Variants in ZNF681 observed in about 807,000 individuals in gnomAD.
ZNF681 encodes hypothetical protein FLJ31526.
In ZNF681, 37 loss-of-function variants were observed where a neutral mutation model predicts 56.0. That is an observed-to-expected ratio of 0.66 (90% confidence interval 0.51 to 0.87). The LOEUF (loss-of-function observed/expected upper bound fraction) is 0.87, where lower values mean the gene tolerates loss of function less well. ZNF681 is among the 40% of genes least tolerant of loss of function. The pLI is 0.00. For missense variants in ZNF681, 741 were observed against 744.9 expected (o/e 0.99, Z 0.06); for synonymous variants, 225 against 248.6 (o/e 0.91, Z 0.89).
At chr19:23,755,785 A>G (rs540228285) in intron 1 of ZNF681, among the ~76,000 whole-genome samples, 4 of 152,344 alleles carry the variant, frequency 2.6e-5, no homozygotes, top group South Asian at 2.1e-4. Context: ...CATTAGATCT[A>G]TAACACCAGA....
At chr19:23,754,041 G>T (rs1032084983) in intron 3 of ZNF681, among the ~76,000 whole-genome samples, 6 of 151,086 alleles carry the variant, frequency 4.0e-5, no homozygotes, top group African/African-American at 1.5e-4. Flanking sequence ...AAAGCTGAAC[G>T]ACATCATACT....
Position 23,743,804 on chromosome 19 carries a change from T to C in ZNF681, c.1746A>G (p.Arg582=). Residue 582 remains arginine, a synonymous_variant, in exon 4 of 4, where the codon AGA becomes AGG. Coordinates refer to ENST00000402377, the MANE Select transcript of ZNF681 (RefSeq NM_138286.3). ...GGTAGGGTTTCTCTCCAGTATGAAT[T>C]CTCTTATGTCTAGTAAGGTGTGAGG... ...NQSSHLTRHK[R]IHTGEKPYQC... 1 of 1,613,218 alleles carries C rather than the reference T, an allele frequency of 6.2e-7. No individual in the cohort carries two copies. The highest frequency in any genetic ancestry group is 8.5e-7 in the Non-Finnish European group (1 of 1,179,710).
In ZNF681 at chr19:23,739,745, T is replaced by C. The variant is rs1489523411; in HGVS notation, c.*3867A>G. 6.6e-6 allele frequency: 1 copy of C among 152,122 alleles called. No individual in the cohort carries two copies. The highest frequency in any genetic ancestry group is 2.4e-5 in the African/African-American group (1 of 41,418). 9.4% of individuals were successfully genotyped at this position (152,122 alleles called of 1,614,324 possible). ...AAAAGCTGCCATGATCTTCGAATGT[T>C]TTCCAGAGAATATGACCAAGAAGTT... On this transcript the variant is annotated 3_prime_UTR_variant, in exon 4 of 4. Coordinates refer to ENST00000402377, the MANE Select transcript of ZNF681 (RefSeq NM_138286.3).
At position 23,745,273 on chromosome 19, in the gene ZNF681, C is replaced by T. The variant is rs749093069; in HGVS notation, c.277G>A (p.Asp93Asn). Reference protein sequence around the residue: ...QDFSPEQNIKDSFQKVTPRRY... With the variant: ...QDFSPEQNIKNSFQKVTPRRY... ...CTTGGTGTCACTTTTTGGAAAGAAT[C>T]TTTTATGTTCTGCTCTGGTGAAAAG... The change falls in exon 4 of 4, where the codon GAT becomes AAT. Residue 93 changes from aspartate to asparagine, a missense_variant. Transcript: ENST00000402377. 2 of 1,598,640 alleles carry T rather than the reference C, an allele frequency of 1.3e-6. No homozygotes were observed. The highest frequency in any genetic ancestry group is 1.7e-6 in the Non-Finnish European group (2 of 1,175,498).
rs376684286 is a variant in ZNF681 at position 23,747,365 on chromosome 19, C to T, written c.227-2042G>A. 6.7e-4 allele frequency among the ~76,000 whole-genome samples: 102 copies of T among 152,044 alleles called. 1 individual carries two copies. The highest frequency in any genetic ancestry group is 2.2e-3 in the African/African-American group (90 of 41,478). ...TATAAAAATCCCCAAAGTGGCCGGG[C>T]GCGGTGGCTCAAGCCTGTAATCCCA... On this transcript the variant is annotated intron_variant, in intron 3 of 3. Transcript: ENST00000402377.
In ZNF681 at chr19:23,741,842, T is replaced by C. The variant is rs767293060; in HGVS notation, c.*1770A>G. 2.0e-5 allele frequency: 3 copies of C among 152,128 alleles called. No homozygotes were observed. The highest frequency in any genetic ancestry group is 4.8e-5 in the African/African-American group (2 of 41,432). 9.4% of individuals were successfully genotyped at this position (152,128 alleles called of 1,614,324 possible). On this transcript the variant is annotated 3_prime_UTR_variant, in exon 4 of 4. Coordinates refer to ENST00000402377, the MANE Select transcript of ZNF681 (RefSeq NM_138286.3). ...TACATATTATATACCTGTATCAAAA[T>C]ATGCCATATATGCCATATTTACACA... is the stretch of plus-strand genomic sequence containing the variant.
chr19:23,754,319 C>T (rs1273050833), intron 3 of ZNF681, among the ~76,000 whole-genome samples: 1 of 152,102 alleles, frequency 6.6e-6, no homozygotes, highest in Non-Finnish European at 1.5e-5. Flanking sequence ...AAGCAGAGTC[C>T]TGAGAGAACT....
intron 2 of ZNF681, 83 bp from the exon 3 acceptor site, chr19:23,755,001 AAATAG>A (rs2144853771): frequency 1.0e-6 from 1 of 972,600 alleles, no homozygotes; most frequent in Non-Finnish European, 1.5e-6. Flanking sequence ...AAAGAGGGTG[AAATAG>A]AATATTCTTG....
Position 23,744,321 on chromosome 19 carries a change from GT to G in ZNF681, c.1228del (p.Thr410LeufsTer145), listed in dbSNP as rs764339680. On this transcript the variant is annotated frameshift_variant, in exon 4 of 4. Coordinates refer to ENST00000402377, the MANE Select transcript of ZNF681 (RefSeq NM_138286.3). LOFTEE classifies it high-confidence loss of function. ...GKAFNKSSHL[T>X]RHKSIHTGEK... ...TCCAGTATGAATGCTCTTATGTCTA[GT>G]AAGGTGTGAGGACTTGTTAAAAGCT... The G allele has an allele frequency of 8.1e-6, 13 of 1,613,648 alleles. No homozygotes were observed. The highest frequency in any genetic ancestry group is 1.1e-5 in the Non-Finnish European group (13 of 1,179,908).
At chr19:23,755,759 T>A (rs7258292) in intron 1 of ZNF681, among the ~76,000 whole-genome samples, 1 of 152,018 alleles carries the variant, frequency 6.6e-6, no homozygotes, top group Non-Finnish European at 1.5e-5. Context: ...TCTCCAACCA[T>A]GAGAAAAGAA....
intron 3 of ZNF681, among the ~76,000 whole-genome samples, chr19:23,749,245 C>G (rs1188362015): frequency 6.6e-6 from 1 of 152,232 alleles, no homozygotes; most frequent in African/African-American, 2.4e-5. Context: ...ATGATGGCTA[C>G]TATATGATCC....
intron 3 of ZNF681, among the ~76,000 whole-genome samples, chr19:23,754,172 C>T (rs942100355): frequency 6.6e-6 from 1 of 152,034 alleles, no homozygotes; most frequent in Non-Finnish European, 1.5e-5. Flanking sequence ...AAGAACTTAA[C>T]AGAGTTTCTC....
At position 23,745,158 on chromosome 19, in the gene ZNF681, T is replaced by G. The variant is rs768556363; in HGVS notation, c.392A>C (p.Asn131Thr). Residue 131 changes from asparagine (N) to threonine (T), a missense_variant, in exon 4 of 4, where the codon AAC becomes ACC. Coordinates refer to ENST00000402377, the MANE Select transcript of ZNF681 (RefSeq NM_138286.3). ...GCTCTGGGTAGTTGGCAAACATTGG[T>G]TAAGTCCATTATAACCTCCTTTTTG... ...KVQKGGYNGL[N>T]QCLPTTQSKI... The G allele has an allele frequency of 9.9e-6, 16 of 1,612,858 alleles. No homozygotes were observed. Among genetic ancestry groups the G allele is most frequent in the Non-Finnish European group, 1.4e-5 (16 of 1,179,754 alleles).
intron 3 of ZNF681, among the ~76,000 whole-genome samples, chr19:23,749,740 C>T (rs562475402): frequency 6.6e-6 from 1 of 152,126 alleles, no homozygotes; most frequent in Non-Finnish European, 1.5e-5. Flanking sequence ...AAGCCACAAC[C>T]TGGAATGTAC....
In ZNF681 at chr19:23,742,661, C is replaced by T. The variant is rs546508011; in HGVS notation, c.*951G>A. 1 of 152,198 alleles carries T rather than the reference C, an allele frequency of 6.6e-6. No individual in the cohort carries two copies. The highest frequency in any genetic ancestry group is 1.5e-5 in the Non-Finnish European group (1 of 68,022). The allele number at this position is 152,198 out of a possible 1,614,324, so 9.4% of individuals were successfully genotyped here. A position where few individuals can be genotyped will look rare whatever the true frequency, so the allele number is the denominator to read the frequency against. On this transcript the variant is annotated 3_prime_UTR_variant, in exon 4 of 4. Transcript: ENST00000402377. The stretch of plus-strand genomic sequence containing the variant: ...CATCTTGCATCTTACATTTTAATGT[C>T]CTTAACTCTTTCACTAAAAAAGGTC...
In ZNF681 at chr19:23,743,485, A is replaced by G; in HGVS notation, c.*127T>C. The G allele has an allele frequency of 1.2e-6, 1 of 819,708 alleles. No individual in the cohort carries two copies. The highest frequency in any genetic ancestry group is 1.8e-6 in the Non-Finnish European group (1 of 565,504). 50.8% of individuals were successfully genotyped at this position (819,708 alleles called of 1,614,324 possible). A position where few individuals can be genotyped will look rare whatever the true frequency, so the allele number is the denominator to read the frequency against. ...TAGTACAAATGCTTTCCTGTGCAAT[A>G]AGGTGTGAGCATTGGTTAAAAGTTT... On this transcript the variant is annotated 3_prime_UTR_variant, in exon 4 of 4. Transcript: ENST00000402377.
Position 23,743,650 on chromosome 19 carries a change from A to G in ZNF681, c.1900T>C (p.Ser634Pro). ...NSDFENTSKFSKHKRNYAGEK... is the reference protein window; with the variant it reads ...NSDFENTSKFPKHKRNYAGEK... Reference sequence around the variant, plus strand: ...CCAGCATAATTTCTTTTATGTTTAGAAAACTTTGAAGTGTTTTCAAAATCA... The same window carrying G: ...CCAGCATAATTTCTTTTATGTTTAGGAAACTTTGAAGTGTTTTCAAAATCA... Residue 634 changes from serine (S) to proline (P), a missense_variant, in exon 4 of 4, where the codon TCT becomes CCT. Ser to Pro is a moderately conservative substitution (Grantham distance 74). Transcript: ENST00000402377. 2 of 1,535,528 alleles carry G rather than the reference A, an allele frequency of 1.3e-6. No homozygotes were observed. Among genetic ancestry groups the G allele is most frequent in the Non-Finnish European group, 1.7e-6 (2 of 1,144,184 alleles).
In ZNF681 at chr19:23,742,666, A is replaced by G. The variant is rs777698059; in HGVS notation, c.*946T>C. ...TGCATCTTACATTTTAATGTCCTTAACTCTTTCACTAAAAAAGGTCGTAAA... is the reference window on the plus strand; with the variant it reads ...TGCATCTTACATTTTAATGTCCTTAGCTCTTTCACTAAAAAAGGTCGTAAA... On this transcript the variant is annotated 3_prime_UTR_variant, in exon 4 of 4. Transcript: ENST00000402377. The G allele has an allele frequency of 1.3e-5, 2 of 152,032 alleles. No homozygotes were observed. The highest frequency in any genetic ancestry group is 2.9e-5 in the Non-Finnish European group (2 of 68,016). 9.4% of individuals were successfully genotyped at this position (152,032 alleles called of 1,614,324 possible). A position where few individuals can be genotyped will look rare whatever the true frequency, so the allele number is the denominator to read the frequency against.
Position 23,743,451 on chromosome 19 carries a change from A to T in ZNF681, c.*161T>A, listed in dbSNP as rs564982448. Reference sequence around the variant, plus strand: ...CTTTTTCACATTCTGTATATTTGAAATTTTTTTCTAGTACAAATGCTTTCC... The same window carrying T: ...CTTTTTCACATTCTGTATATTTGAATTTTTTTTCTAGTACAAATGCTTTCC... On this transcript the variant is annotated 3_prime_UTR_variant, in exon 4 of 4. Transcript: ENST00000402377. 8.6e-6 allele frequency: 5 copies of T among 580,226 alleles called. No homozygotes were observed. In the East Asian group the frequency reaches 9.5e-5, roughly 11 times the overall value. 35.9% of individuals were successfully genotyped at this position (580,226 alleles called of 1,614,324 possible).
Sources: allele counts gnomAD v4.1 joint callset (sites outside exome capture counted in the v4.1 genomes callset), GRCh38; gene constraint gnomAD v4.1.1; transcripts MANE v1.5; gene names NCBI Gene and HGNC (gene_info 2026-07-23, HGNC 2026-07-21).